ACYP2: variants seen among roughly 807,000 people sequenced by gnomAD.
ACYP2 encodes acylphosphatase-2.
In ACYP2, 12 loss-of-function variants were observed where a neutral mutation model predicts 11.2. That is an observed-to-expected ratio of 1.08 (90% CI 0.69 to 1.74). The LOEUF (loss-of-function observed/expected upper bound fraction) is 1.74, where lower values mean the gene tolerates loss of function less well. Ranked by LOEUF, ACYP2 falls within the 40% of genes most tolerant of loss-of-function variation. The probability of loss-of-function intolerance (pLI) is 0.00; values close to 1 mark genes in which losing one functional copy is unlikely to be tolerated. For synonymous variants in ACYP2, 43 were observed against 32.2 expected, an observed-to-expected ratio of 1.33 and a Z score of -1.13; for missense variants, 134 against 101.9, an observed-to-expected ratio of 1.31 and a Z score of -1.35.
intron 6 of ACYP2, among the ~76,000 whole-genome samples, chr2:54,199,476 T>C (rs1684661802): frequency 6.6e-6 from 1 of 152,178 alleles, no homozygotes; most frequent in African/African-American, 2.4e-5. Context: ...CTGCACAGGC[T>C]ACACACCCAT....
chr2:54,032,667 T>A (rs1674649593), intron 2 of ACYP2, among the ~76,000 whole-genome samples: 1 of 152,190 alleles, frequency 6.6e-6, no homozygotes, highest in Non-Finnish European at 1.5e-5. Context: ...GTGAAGAAAG[T>A]CATTGGTAGC....
At chr2:54,274,625 C>CAAAAAAAAAA (rs70944155) in intron 6 of ACYP2, among the ~76,000 whole-genome samples, 1 of 37,686 alleles carries the variant, frequency 2.7e-5, no homozygotes, top group African/African-American at 1.2e-4. Flanking sequence ...GACTCCATCT[C>CAAAAAAAAAA]AAAAAAAAAA....
At chr2:54,176,501 G>T (rs566697393) in intron 6 of ACYP2, among the ~76,000 whole-genome samples, 5 of 152,196 alleles carry the variant, frequency 3.3e-5, no homozygotes, top group African/African-American at 1.2e-4. Context: ...TAAGTCTGTT[G>T]TAACACCTGA....
chr2:54,289,721 T>A (rs944427998), intron 6 of ACYP2, among the ~76,000 whole-genome samples: 8 of 151,830 alleles, frequency 5.3e-5, no homozygotes, highest in African/African-American at 1.9e-4. Flanking sequence ...TTACCTTCCA[T>A]CATGAGCCTC....
intron 2 of ACYP2, among the ~76,000 whole-genome samples, chr2:54,005,654 T>A (rs926626501): frequency 6.6e-6 from 1 of 152,198 alleles, no homozygotes; most frequent in Non-Finnish European, 1.5e-5. Flanking sequence ...GCCTATGGTT[T>A]CTCTTTTCTG....
chr2:53,984,318 C>T (rs896170762), intron 2 of ACYP2, among the ~76,000 whole-genome samples: 2 of 152,102 alleles, frequency 1.3e-5, no homozygotes, highest in African/African-American at 4.8e-5. Flanking sequence ...CAGCTTATGT[C>T]TGTAATCCCA....
chr2:54,135,735 TAG>T (rs1486845106), intron 5 of ACYP2, among the ~76,000 whole-genome samples: 2 of 152,196 alleles, frequency 1.3e-5, no homozygotes, highest in African/African-American at 4.8e-5. Flanking sequence ...ACGCTTTGAT[TAG>T]GTGTATTGAA....
chr2:54,174,797 C>A (rs530800920), intron 6 of ACYP2, among the ~76,000 whole-genome samples: 29 of 152,174 alleles, frequency 1.9e-4, no homozygotes, highest in African/African-American at 7.0e-4. Context: ...TGGTTTTTGT[C>A]TTTGGTTCTG....
At chr2:54,199,840 G>GTTCTC (rs1447677924) in intron 6 of ACYP2, among the ~76,000 whole-genome samples, 2 of 152,218 alleles carry the variant, frequency 1.3e-5, no homozygotes, top group African/African-American at 2.4e-5. Flanking sequence ...GCACTGTTCT[G>GTTCTC]TCATGCGGGA....
intron 6 of ACYP2, among the ~76,000 whole-genome samples, chr2:54,217,052 G>A (rs1000672743): frequency 1.3e-5 from 2 of 151,708 alleles, no homozygotes; most frequent in Admixed American, 6.6e-5. Flanking sequence ...ATTTCCTTAG[G>A]TTTCCCGTAG....
chr2:54,134,536 A>G (rs78940465), intron 4 of ACYP2, among the ~76,000 whole-genome samples: 3,512 of 152,282 alleles, frequency 0.023, 121 homozygotes, highest in African/African-American at 0.076. Flanking sequence ...TGTAATAACT[A>G]TTTTGTTTTA....
chr2:54,294,563 C>T (rs1689442861), intron 6 of ACYP2, among the ~76,000 whole-genome samples: 1 of 152,040 alleles, frequency 6.6e-6, no homozygotes, highest in African/African-American at 2.4e-5. Context: ...CACTTGTCTA[C>T]CGTAAGTATT....
chr2:54,203,960 C>T (rs1332158687), intron 6 of ACYP2, among the ~76,000 whole-genome samples: 1 of 152,182 alleles, frequency 6.6e-6, no homozygotes, highest in Non-Finnish European at 1.5e-5. Flanking sequence ...AATTCATAAA[C>T]TGTCTTAAAA....
At chr2:54,038,311 T>A (rs1675020866) in intron 2 of ACYP2, among the ~76,000 whole-genome samples, 1 of 152,222 alleles carries the variant, frequency 6.6e-6, no homozygotes, top group African/African-American at 2.4e-5. Flanking sequence ...AAGGGTAAGT[T>A]GACCCTTTTC....
At chr2:54,215,283 T>C (rs1179326003) in intron 6 of ACYP2, among the ~76,000 whole-genome samples, 2 of 152,164 alleles carry the variant, frequency 1.3e-5, no homozygotes, top group African/African-American at 4.8e-5. Flanking sequence ...TCTAGTACTA[T>C]GTTGAATAGG....
At chr2:54,291,563 C>T (rs936902339) in intron 6 of ACYP2, among the ~76,000 whole-genome samples, 3 of 152,134 alleles carry the variant, frequency 2.0e-5, no homozygotes, top group Non-Finnish European at 2.9e-5. Flanking sequence ...CTGACTGCCT[C>T]GCAGCAAGAG....
Position 54,170,858 on chromosome 2 carries a change from C to T in ACYP2, c.404+32110C>T, listed in dbSNP as rs116978453. 7.9e-4 allele frequency among the ~76,000 whole-genome samples: 121 copies of T among 152,244 alleles called. 1 individual carries two copies. In the East Asian group the frequency reaches 0.022, roughly 28 times the overall value. Reference sequence around the variant, plus strand: ...CAAAGGTGGGAGGAGGGTCTGTTAGCATCCATCTGCAGGTCTCAGTAATTC... The same window carrying T: ...CAAAGGTGGGAGGAGGGTCTGTTAGTATCCATCTGCAGGTCTCAGTAATTC... On this transcript the variant is annotated intron_variant, in intron 6 of 6. Coordinates refer to ENST00000607452, the MANE Select transcript of ACYP2 (RefSeq NM_001320586.2).
At chr2:53,976,282 A>G (rs934085270) in intron 2 of ACYP2, among the ~76,000 whole-genome samples, 1 of 152,104 alleles carries the variant, frequency 6.6e-6, no homozygotes, top group Non-Finnish European at 1.5e-5. Context: ...ATCACAGCTC[A>G]CTGCAGCCTC....
At chr2:54,268,585 T>C (rs1295818704) in intron 6 of ACYP2, among the ~76,000 whole-genome samples, 2 of 149,576 alleles carry the variant, frequency 1.3e-5, no homozygotes, top group Non-Finnish European at 3.0e-5. Context: ...GAAGATCACT[T>C]GAGCCCAGGA....
Sources: gnomAD v4.1 joint callset for allele counts (sites outside exome capture counted in the v4.1 genomes callset) on GRCh38, gnomAD v4.1.1 for gene constraint, MANE v1.5 for transcripts, NCBI Gene and HGNC (gene_info 2026-07-23, HGNC 2026-07-21) for gene names.